The following ZNF827 variants were observed in gnomAD, a reference collection of about 807,000 sequenced individuals.
ZNF827 encodes zinc finger protein 827.
ZNF827 carries 13 observed loss-of-function variants against 102.4 expected under a neutral mutation model. That is an observed-to-expected ratio of 0.13 (90% CI 0.08 to 0.20). The LOEUF is 0.20. Among genes scored for constraint, ZNF827 ranks in the 10% least tolerant of loss-of-function variants. ZNF827 has a pLI of 1.00. For synonymous variants in ZNF827, 523 were observed against 536.2 expected (o/e 0.98, Z 0.34); for missense variants, 1,103 against 1,344.4 (o/e 0.82, Z 2.81).
intron 1 of ZNF827, among the ~76,000 whole-genome samples, chr4:145,938,117 A>T (rs1211360943): frequency 6.6e-6 from 1 of 150,434 alleles, no homozygotes; most frequent in Non-Finnish European, 1.5e-5. Context: ...ATCTCAAGGA[A>T]AAAAAGGGGG....
At chr4:145,891,210 C>G (rs974618347) in intron 3 of ZNF827, among the ~76,000 whole-genome samples, 2 of 152,116 alleles carry the variant, frequency 1.3e-5, no homozygotes, top group Non-Finnish European at 2.9e-5. Flanking sequence ...TTGAAAATTC[C>G]TGTGTCAGAT....
chr4:145,855,235 A>T (rs1048721347), intron 5 of ZNF827, among the ~76,000 whole-genome samples: 5 of 152,224 alleles, frequency 3.3e-5, no homozygotes, highest in Admixed American at 3.3e-4. Context: ...TAGAACAAGA[A>T]GCTTAAAAGA....
intron 7 of ZNF827, among the ~76,000 whole-genome samples, chr4:145,829,707 C>G (rs1007034598): frequency 6.6e-6 from 1 of 152,192 alleles, no homozygotes; most frequent in Non-Finnish European, 1.5e-5. Flanking sequence ...CTAACCACTA[C>G]CTGCTCCCCA....
At chr4:145,788,162 AT>A (rs371117323) in intron 8 of ZNF827, among the ~76,000 whole-genome samples, 7 of 150,420 alleles carry the variant, frequency 4.7e-5, no homozygotes, top group East Asian at 1.9e-4. Flanking sequence ...CTGGATAACC[AT>A]TTTTTTTTGC....
In ZNF827 at chr4:145,853,955, T is replaced by TA. The variant is rs564693282; in HGVS notation, c.1982-4395dup. Among the ~76,000 whole-genome samples the TA allele has an allele frequency of 3.3e-3, 480 of 144,656 alleles. 3 individuals are homozygous for TA. The highest frequency in any genetic ancestry group is 0.025 in the South Asian group (114 of 4,492). 94.9% of individuals were successfully genotyped at this position (144,656 alleles called of 152,430 possible). ...ACTCCGGCATGGGCAACAGAGCAAT[T>TA]AAAAAAAAAAGTCTCAATTAAAAAA... On this transcript the variant is annotated intron_variant, in intron 5 of 14. Coordinates refer to ENST00000508784, the MANE Select transcript of ZNF827 (RefSeq NM_001306215.2).
At chr4:145,904,109 C>T (rs568661244) in intron 1 of ZNF827, among the ~76,000 whole-genome samples, 4 of 152,350 alleles carry the variant, frequency 2.6e-5, no homozygotes, top group African/African-American at 9.6e-5. Flanking sequence ...AGGCTCCTTG[C>T]CATTCTAGGG....
Position 145,896,845 on chromosome 4 carries a change from G to GTTGAACCATT in ZNF827, c.1094-4440_1094-4431dup, listed in dbSNP as rs550771072. ...TCATTAATAAAGTACAGAGATATAT[G>GTTGAACCATT]TTGAACCATTTATAATGAACAAGAT... On this transcript the variant is annotated intron_variant, in intron 2 of 14. Transcript: ENST00000508784. Among the ~76,000 whole-genome samples the GTTGAACCATT allele has an allele frequency of 8.5e-5, 13 of 152,284 alleles. No homozygotes were observed. The East Asian group carries it at 2.5e-3, about 29-fold the overall frequency.
At position 145,761,169 on chromosome 4, in the gene ZNF827, C is replaced by A. The variant is rs929034159; in HGVS notation, c.*447G>T. The A allele has an allele frequency of 2.3e-6, 3 of 1,289,738 alleles. No individual in the cohort carries two copies. Among genetic ancestry groups the A allele is most frequent in the Non-Finnish European group, 2.0e-6 (2 of 988,878 alleles). 79.9% of individuals were successfully genotyped at this position (1,289,738 alleles called of 1,614,324 possible). A position where few individuals can be genotyped will look rare whatever the true frequency, so the allele number is the denominator to read the frequency against. ...CCTTGGGGGCTGGACACAGGCCCTT[C>A]TTGTCCTCCTCGGGGCAGTCCCCAC... On this transcript the variant is annotated 3_prime_UTR_variant, in exon 15 of 15. Coordinates refer to ENST00000508784, the MANE Select transcript of ZNF827 (RefSeq NM_001306215.2). This position sits in a 1 kb window ranked among gnomAD's most constrained non-coding sequence, Gnocchi z 6.8.
chr4:145,913,823 T>C (rs1269139709), intron 1 of ZNF827, among the ~76,000 whole-genome samples: 1 of 152,214 alleles, frequency 6.6e-6, no homozygotes, highest in Non-Finnish European at 1.5e-5. Context: ...TCTTTTTGTA[T>C]AAATGTTTTC....
intron 4 of ZNF827, 129 bp downstream of exon 4, chr4:145,885,549 A>G (rs927494696): frequency 7.6e-7 from 1 of 1,314,936 alleles, no homozygotes; most frequent in South Asian, 2.0e-5. Context: ...ATTTAAAGGG[A>G]CCTTGAAATC....
chr4:145,934,731 G>A (rs770880858), intron 1 of ZNF827, among the ~76,000 whole-genome samples: 3 of 152,202 alleles, frequency 2.0e-5, no homozygotes, highest in Admixed American at 6.5e-5. Flanking sequence ...GACTGTGTCT[G>A]GCTAGTATTG....
chr4:145,859,922 T>C (rs965108791), intron 5 of ZNF827, among the ~76,000 whole-genome samples: 3 of 152,312 alleles, frequency 2.0e-5, no homozygotes, highest in East Asian at 1.9e-4. Flanking sequence ...AACAGTATGA[T>C]AGGATAAACA....
rs58541506 is a variant in ZNF827, at chr4:145,923,045, A to G, written c.43+15320T>C. Among the ~76,000 whole-genome samples the G allele has an allele frequency of 9.0e-3, 1,368 of 152,308 alleles. 28 individuals carry two copies. Among genetic ancestry groups the G allele is most frequent in the African/African-American group, 0.032 (1,327 of 41,554 alleles). On this transcript the variant is annotated intron_variant, in intron 1 of 14. Coordinates refer to ENST00000508784, the MANE Select transcript of ZNF827 (RefSeq NM_001306215.2). The stretch of plus-strand genomic sequence containing the variant: ...TTTGGTAGATCTACATAACTCAGTG[A>G]ACCAATATTTTCCAAATGTCCAACA...
At chr4:145,916,325 C>A (rs1317278105) in intron 1 of ZNF827, among the ~76,000 whole-genome samples, 1 of 152,186 alleles carries the variant, frequency 6.6e-6, no homozygotes, top group African/African-American at 2.4e-5. Context: ...TGAACATAGC[C>A]AAGATTTGCT....
chr4:145,902,570 C>A lies in ZNF827; in HGVS notation c.689G>T (p.Arg230Met). The A allele has an allele frequency of 6.2e-7, 1 of 1,614,088 alleles. No individual in the cohort carries two copies. Among genetic ancestry groups the A allele is most frequent in the South Asian group, 1.1e-5 (1 of 91,072 alleles). ...NAVLQDKSLT[R>M]TEETMRFESF... ...CTCAAATCGCATGGTCTCCTCAGTC[C>A]TGGTGAGAGATTTGTCCTGCAGAAC... is the stretch of plus-strand genomic sequence containing the variant. The change falls in exon 2 of 15, where the codon AGG (arginine) becomes ATG (methionine). Residue 230 changes from arginine (R) to methionine (M), a missense_variant. This residue lies in a region of ZNF827 where 441 missense variants were observed against 458.6 expected (regional missense o/e 0.96). Coordinates refer to ENST00000508784, the MANE Select transcript of ZNF827 (RefSeq NM_001306215.2). This position sits in a 1 kb window ranked among gnomAD's most constrained non-coding sequence, Gnocchi z 4.3.
chr4:145,888,656 T>C (rs1275881462), intron 3 of ZNF827, among the ~76,000 whole-genome samples: 1 of 152,240 alleles, frequency 6.6e-6, no homozygotes, highest in African/African-American at 2.4e-5. Context: ...GACCTGAGGC[T>C]ACTAGAACTC....
At position 145,902,596 on chromosome 4, in the gene ZNF827, G is replaced by C. The variant is rs760248437; in HGVS notation, c.663C>G (p.Ala221=). 3 of 1,613,894 alleles carry C rather than the reference G, an allele frequency of 1.9e-6. No individual in the cohort carries two copies. The highest frequency in any genetic ancestry group is 2.5e-6 in the Non-Finnish European group (3 of 1,179,936). ...AILKLKAAAN[A]VLQDKSLTRT... ...TGGTGAGAGATTTGTCCTGCAGAAC[G>C]GCATTGGCTGCAGCTTTCAGTTTTA... Residue 221 remains alanine, a synonymous_variant, in exon 2 of 15, where the codon GCC becomes GCG. Coordinates refer to ENST00000508784, the MANE Select transcript of ZNF827 (RefSeq NM_001306215.2). This position sits in a 1 kb window ranked among gnomAD's most constrained non-coding sequence, Gnocchi z 4.3.
intron 7 of ZNF827, among the ~76,000 whole-genome samples, chr4:145,840,007 T>C (rs112162003): frequency 1.3e-5 from 2 of 152,052 alleles, no homozygotes; most frequent in Admixed American, 1.3e-4. Flanking sequence ...GGAGGAAAAA[T>C]GGTAGAGAGC....
chr4:145,915,121 G>C (rs1032775707), intron 1 of ZNF827, among the ~76,000 whole-genome samples: 2 of 152,196 alleles, frequency 1.3e-5, no homozygotes, highest in African/African-American at 4.8e-5. Context: ...GAGAGAGCAA[G>C]AGCAAGAGAT....
Sources: gnomAD v4.1 joint callset for allele counts (sites outside exome capture counted in the v4.1 genomes callset) on GRCh38, gnomAD v4.1.1 for gene constraint, gnomAD v4.1.1 regional missense constraint, Gnocchi (gnomAD v3.1) non-coding constraint, MANE v1.5 for transcripts, NCBI Gene and HGNC (gene_info 2026-07-23, HGNC 2026-07-21) for gene names.